PUDP: variants seen among roughly 807,000 people sequenced by gnomAD.
PUDP encodes the protein pseudouridine-5'-phosphatase.
Under a neutral mutation model 9.4 loss-of-function variants are expected in PUDP, and 8 were observed. The ratio of observed to expected loss-of-function variants is 0.85; its 90% CI spans 0.50 to 1.53. The LOEUF (loss-of-function observed/expected upper bound fraction) is 1.53. PUDP is among the 40% of genes most tolerant of loss of function. PUDP has a pLI of 0.00. For missense variants in PUDP, 188 were observed against 189.7 expected, an observed-to-expected ratio of 0.99 and a Z score of 0.05; for synonymous variants, 99 against 80.7, an observed-to-expected ratio of 1.23 and a Z score of -1.22.
chrX:6,758,779 G>C (rs775816056), intron 3 of PUDP, among the ~76,000 whole-genome samples: 3 of 111,227 alleles, frequency 2.7e-5, no homozygotes, highest in Non-Finnish European at 5.6e-5. Context: ...CACTACAGTC[G>C]CTCTGTGCGA....
intron 3 of PUDP, among the ~76,000 whole-genome samples, chrX:6,966,596 G>A (rs1928789669): frequency 9.7e-6 from 1 of 103,022 alleles, no homozygotes; most frequent in Non-Finnish European, 2.0e-5. Context: ...CACATAAGCT[G>A]GAGTGCAGTG....
chrX:7,115,146 G>A (rs1932160179), intron 1 of PUDP, among the ~76,000 whole-genome samples: 1 of 112,109 alleles, frequency 8.9e-6, no homozygotes, highest in Non-Finnish European at 1.9e-5. Flanking sequence ...ACATGGCCAG[G>A]GTAAAGTGCT....
At chrX:6,794,277 C>T (rs1208134805) in intron 3 of PUDP, among the ~76,000 whole-genome samples, 2 of 112,336 alleles carry the variant, frequency 1.8e-5, no homozygotes, top group African/African-American at 3.2e-5. Flanking sequence ...CTCTACAATA[C>T]GTTACTGTAC....
chrX:6,913,029 T>G (rs1927871823), intron 3 of PUDP, among the ~76,000 whole-genome samples: 1 of 112,294 alleles, frequency 8.9e-6, no homozygotes, highest in South Asian at 3.7e-4. Context: ...GAATCAATTT[T>G]GTCAATCCAC....
chrX:6,848,583 G>GGAT (rs1470141615), intron 3 of PUDP, among the ~76,000 whole-genome samples: 2 of 112,096 alleles, frequency 1.8e-5, no homozygotes, highest in Non-Finnish European at 3.8e-5. Context: ...GATGTGATTT[G>GGAT]GATGTTTCTC....
intron 1 of PUDP, among the ~76,000 whole-genome samples, chrX:7,129,924 T>C (rs1400984375): frequency 9.0e-6 from 1 of 111,512 alleles, no homozygotes; most frequent in East Asian, 2.8e-4. Flanking sequence ...TAAAACTACA[T>C]ACTAGAATAT....
At chrX:6,855,811 G>A (rs1266219673) in intron 3 of PUDP, among the ~76,000 whole-genome samples, 1 of 111,660 alleles carries the variant, frequency 9.0e-6, no homozygotes, top group Non-Finnish European at 1.9e-5. Context: ...TTCTATGATA[G>A]GGGTAGACAT....
chrX:7,097,749 T>G (rs1170555010), intron 2 of PUDP, among the ~76,000 whole-genome samples: 1 of 111,519 alleles, frequency 9.0e-6, no homozygotes, highest in African/African-American at 3.3e-5. Flanking sequence ...GATGAGTGCC[T>G]TCCTGCCAGA....
chrX:7,115,970 C>T (rs1028102551), intron 1 of PUDP, among the ~76,000 whole-genome samples: 8 of 112,222 alleles, frequency 7.1e-5, no homozygotes, highest in Admixed American at 2.8e-4. Flanking sequence ...GAGAAGCCCA[C>T]GAAAAGACCA....
intron 1 of PUDP, among the ~76,000 whole-genome samples, chrX:7,108,230 T>C (rs906123754): frequency 8.9e-6 from 1 of 112,524 alleles, no homozygotes; most frequent in Admixed American, 9.3e-5. Context: ...CGCCTTATAC[T>C]CAGAGGACTG....
chrX:6,730,586 G>T (rs1240742414), intron 3 of PUDP, among the ~76,000 whole-genome samples: 1 of 112,236 alleles, frequency 8.9e-6, no homozygotes, highest in Non-Finnish European at 1.9e-5. Context: ...ATAGAACAAA[G>T]GTTACAGTAT....
chrX:6,769,898 C>T (rs1424785707), intron 3 of PUDP, among the ~76,000 whole-genome samples: 2 of 112,260 alleles, frequency 1.8e-5, no homozygotes, highest in East Asian at 5.6e-4. Flanking sequence ...ACTGTGGGGT[C>T]TGAACAACCT....
chrX:7,062,295 A>G (rs1311525356), intron 3 of PUDP, among the ~76,000 whole-genome samples: 2 of 111,683 alleles, frequency 1.8e-5, no homozygotes, highest in Non-Finnish European at 3.8e-5. Context: ...CACTGTGGGG[A>G]GCCCTGTTTG....
intron 3 of PUDP, among the ~76,000 whole-genome samples, chrX:6,785,114 G>A (rs1397798311): frequency 1.8e-5 from 2 of 112,161 alleles, no homozygotes; most frequent in Non-Finnish European, 3.8e-5. Flanking sequence ...TCTCAGAGAC[G>A]CACGTGATCA....
intron 3 of PUDP, among the ~76,000 whole-genome samples, chrX:7,068,907 C>T (rs1930648130): frequency 9.0e-6 from 1 of 111,631 alleles, no homozygotes; most frequent in African/African-American, 3.3e-5. Flanking sequence ...ATAAGATTTT[C>T]CCAAGGCCCC....
chrX:6,852,207 T>A (rs747698610), intron 3 of PUDP, among the ~76,000 whole-genome samples: 3 of 112,093 alleles, frequency 2.7e-5, no homozygotes, highest in Admixed American at 9.4e-5. Context: ...CACCCACAAG[T>A]CCAGCTCTCC....
chrX:7,041,335 G>A (rs1471680694), intron 1 of PUDP, among the ~76,000 whole-genome samples: 1 of 111,444 alleles, frequency 9.0e-6, no homozygotes, highest in Non-Finnish European at 1.9e-5. Context: ...TAGAGGGAAC[G>A]GTGACCCAGG....
intron 3 of PUDP, among the ~76,000 whole-genome samples, chrX:7,066,390 G>A (rs939779004): frequency 2.7e-5 from 3 of 111,434 alleles, no homozygotes; most frequent in African/African-American, 9.8e-5. Flanking sequence ...ACCAGGAACC[G>A]GTTTCGTAGA....
At chrX:6,748,667 C>G (rs1342600461) in intron 3 of PUDP, among the ~76,000 whole-genome samples, 1 of 111,640 alleles carries the variant, frequency 9.0e-6, no homozygotes, top group Non-Finnish European at 1.9e-5. Context: ...AGAGACCATG[C>G]AAGAATATGA....
Sources: gnomAD v4.1 joint callset for allele counts (sites outside exome capture counted in the v4.1 genomes callset) on GRCh38, gnomAD v4.1.1 for gene constraint, MANE v1.5 for transcripts, NCBI Gene and HGNC (gene_info 2026-07-23, HGNC 2026-07-21) for gene names.